The following COL14A1 variants were observed in gnomAD, a reference collection of about 807,000 sequenced individuals.
COL14A1 encodes the protein collagen type XIV alpha 1 chain, also known as collagen alpha-1(XIV) chain.
Under a neutral mutation model 230.3 loss-of-function variants are expected in COL14A1, and 136 were observed. That is an observed-to-expected ratio of 0.59 (90% CI 0.51 to 0.68). The LOEUF is 0.68. Among genes scored for constraint, COL14A1 ranks in the 30% least tolerant of loss-of-function variants. The probability of loss-of-function intolerance (pLI) is 0.00; values close to 1 mark genes in which losing one functional copy is unlikely to be tolerated. For synonymous variants in COL14A1, 792 were observed against 784.1 expected (o/e 1.01, Z -0.17); for missense variants, 1,976 against 2,215.8 (o/e 0.89, Z 2.17).
chr8:120,250,711 AT>A lies in COL14A1; in HGVS notation c.2700del (p.Phe900LeufsTer12), dbSNP rs757652064. ...LSGMDYNVKI[F>X]ASQASGFSDA... ...GCGGAATGGACTACAATGTGAAGATATTTGCCTCCCAGGCCTCAGGCTTCAG... is the reference window on the plus strand; with the variant it reads ...GCGGAATGGACTACAATGTGAAGATATTGCCTCCCAGGCCTCAGGCTTCAG... On this transcript the variant is annotated frameshift_variant, in exon 22 of 48. Transcript: ENST00000297848. LOFTEE classifies it high-confidence loss of function. 2 of 1,614,194 alleles carry A rather than the reference AT, an allele frequency of 1.2e-6. No individual in the cohort carries two copies. Among genetic ancestry groups the A allele is most frequent in the Non-Finnish European group, 8.5e-7 (1 of 1,180,034 alleles).
Position 120,212,594 on chromosome 8 carries a change from T to G in COL14A1, c.1597+17T>G, listed in dbSNP as rs946391220. ...AAACAACATGTGAGCAGCACAGCCA[T>G]TCAGTTGGGATGCTGTAGTAAAAGC... On this transcript the variant is annotated intron_variant, in intron 13 of 47. Coordinates refer to ENST00000297848, the MANE Select transcript of COL14A1 (RefSeq NM_021110.4). 10 of 1,612,694 alleles carry G rather than the reference T, an allele frequency of 6.2e-6. No individual in the cohort carries two copies. Among genetic ancestry groups the G allele is most frequent in the Non-Finnish European group, 8.5e-6 (10 of 1,179,000 alleles).
chr8:120,304,946 G>A (rs1031648439), intron 36 of COL14A1, among the ~76,000 whole-genome samples: 20 of 152,022 alleles, frequency 1.3e-4, no homozygotes, highest in Non-Finnish European at 2.8e-4. Context: ...ATGAATATGA[G>A]GACAATTAGC....
intron 47 of COL14A1, chr8:120,370,320 T>C (rs1388722700): frequency 6.2e-7 from 1 of 1,609,954 alleles, no homozygotes; most frequent in Non-Finnish European, 8.5e-7. Context: ...TCTCAAATAC[T>C]CCTATCCTTA....
intron 1 of COL14A1, among the ~76,000 whole-genome samples, chr8:120,133,033 C>T (rs953216438): frequency 6.6e-5 from 10 of 151,892 alleles, no homozygotes; most frequent in South Asian, 4.1e-4. Context: ...CTGGCTAACA[C>T]GGTGAAACCC....
In COL14A1 at chr8:120,191,673, G is replaced by T. The variant is rs1451435099; in HGVS notation, c.437-5118G>T. Among the ~76,000 whole-genome samples the T allele has an allele frequency of 9.3e-5, 14 of 151,262 alleles. No individual in the cohort carries two copies. The East Asian group carries it at 2.5e-3, about 27-fold the overall frequency. ...TAAAGTCTCCCATTATTATTGTGTGGGAGTCTAAGTCTCTTTGTAGGTCAC... is the reference window on the plus strand; with the variant it reads ...TAAAGTCTCCCATTATTATTGTGTGTGAGTCTAAGTCTCTTTGTAGGTCAC... On this transcript the variant is annotated intron_variant, in intron 5 of 47. Coordinates refer to ENST00000297848, the MANE Select transcript of COL14A1 (RefSeq NM_021110.4).
chr8:120,359,973 A>G (rs2130361531), intron 45 of COL14A1, among the ~76,000 whole-genome samples: 1 of 152,134 alleles, frequency 6.6e-6, no homozygotes, highest in East Asian at 1.9e-4. Flanking sequence ...AATTTAGGTG[A>G]GTCTGTGGTC....
Position 120,291,484 on chromosome 8 carries a change from C to T in COL14A1, c.4236+1718C>T, listed in dbSNP as rs759191282. ...CTGAGGCAGGAGAATTGCTTGACCC[C>T]AGGAGGCGGATGTTACAGTGAACCA... On this transcript the variant is annotated intron_variant, in intron 34 of 47. Transcript: ENST00000297848. Among the ~76,000 whole-genome samples, 178 of 139,680 alleles carry T rather than the reference C, an allele frequency of 1.3e-3. 1 individual carries two copies. Among genetic ancestry groups the T allele is most frequent in the Non-Finnish European group, 2.0e-4 (13 of 65,986 alleles). 91.6% of individuals were successfully genotyped at this position (139,680 alleles called of 152,430 possible). A position where few individuals can be genotyped will look rare whatever the true frequency, so the allele number is the denominator to read the frequency against.
intron 40 of COL14A1, among the ~76,000 whole-genome samples, chr8:120,327,231 T>C (rs1289159547): frequency 1.3e-5 from 2 of 152,188 alleles, no homozygotes; most frequent in Non-Finnish European, 2.9e-5. Context: ...CACCAGCTGC[T>C]ATGGTGCTGA....
At chr8:120,292,409 G>A (rs2129975739) in intron 34 of COL14A1, among the ~76,000 whole-genome samples, 1 of 152,230 alleles carries the variant, frequency 6.6e-6, no homozygotes, top group East Asian at 1.9e-4. Context: ...CATAGCATTT[G>A]TTGAATCTAG....
At chr8:120,276,436 A>T (rs1311811632) in intron 26 of COL14A1, among the ~76,000 whole-genome samples, 6 of 149,930 alleles carry the variant, frequency 4.0e-5, no homozygotes, top group Non-Finnish European at 8.9e-5. Context: ...TGATGGGTGC[A>T]CTAAAATCTC....
At chr8:120,165,212 G>A (rs975804571) in intron 4 of COL14A1, among the ~76,000 whole-genome samples, 16 of 152,130 alleles carry the variant, frequency 1.1e-4, no homozygotes, top group Non-Finnish European at 4.4e-5. Flanking sequence ...TGCTCTCTGT[G>A]AGACAGAGCT....
At chr8:120,195,338 T>C (rs1816997039) in intron 5 of COL14A1, among the ~76,000 whole-genome samples, 1 of 152,134 alleles carries the variant, frequency 6.6e-6, no homozygotes, top group African/African-American at 2.4e-5. Context: ...AAGATTTTTT[T>C]AGACCAGCAA....
At chr8:120,129,372 T>G (rs1814452177) in intron 1 of COL14A1, among the ~76,000 whole-genome samples, 1 of 152,188 alleles carries the variant, frequency 6.6e-6, no homozygotes, top group East Asian at 1.9e-4. Context: ...CTCCCATTTC[T>G]TTGACAGATG....
chr8:120,326,936 GA>G (rs1399042784), intron 40 of COL14A1, among the ~76,000 whole-genome samples: 8 of 152,164 alleles, frequency 5.3e-5, no homozygotes, highest in African/African-American at 1.4e-4. Flanking sequence ...TGAGGCAGGA[GA>G]ATTTTTTGAG....
At chr8:120,251,442 C>T (rs368783712) in intron 22 of COL14A1, among the ~76,000 whole-genome samples, 37 of 152,254 alleles carry the variant, frequency 2.4e-4, no homozygotes, top group African/African-American at 8.7e-4. Context: ...ATATGCCATC[C>T]ATCAAAAGTA....
rs941559903 is a variant in COL14A1 at position 120,197,723 on chromosome 8, G to C, written c.593-88G>C. On this transcript the variant is annotated intron_variant, in intron 6 of 47. Transcript: ENST00000297848. Reference sequence around the variant, plus strand: ...AATAAAAAATTTTTGCAAAGATGAGGCCTTTCGTCATTCCAGTTTCTTGAG... The same window carrying C: ...AATAAAAAATTTTTGCAAAGATGAGCCCTTTCGTCATTCCAGTTTCTTGAG... The C allele has an allele frequency of 2.1e-6, 3 of 1,431,184 alleles. No homozygotes were observed. The African/African-American group carries it at 4.3e-5, about 20-fold the overall frequency. The allele number at this position is 1,431,184 out of a possible 1,614,324, so 88.7% of individuals were successfully genotyped here.
intron 19 of COL14A1, among the ~76,000 whole-genome samples, chr8:120,242,378 A>G (rs984514955): frequency 1.1e-4 from 17 of 152,210 alleles, no homozygotes; most frequent in African/African-American, 4.8e-5. Flanking sequence ...GCTTTTTAGT[A>G]TTCCATGTGC....
intron 16 of COL14A1, 69 bp from the exon 17 acceptor site, chr8:120,227,151 C>T (rs1818121951): frequency 1.3e-6 from 2 of 1,549,942 alleles, no homozygotes; most frequent in Non-Finnish European, 1.7e-6. Flanking sequence ...TGCTTATGCT[C>T]AGAATAACAC....
chr8:120,331,288 G>A (rs1821854859), intron 40 of COL14A1, among the ~76,000 whole-genome samples: 1 of 152,102 alleles, frequency 6.6e-6, no homozygotes, highest in African/African-American at 2.4e-5. Flanking sequence ...CAATTCCGTG[G>A]TGAAAATTAA....
Sources: gnomAD v4.1 joint callset for allele counts (sites outside exome capture counted in the v4.1 genomes callset) on GRCh38, gnomAD v4.1.1 for gene constraint, MANE v1.5 for transcripts, NCBI Gene and HGNC (gene_info 2026-07-23, HGNC 2026-07-21) for gene names.